SCYL2: variants seen among roughly 807,000 people sequenced by gnomAD.
SCYL2 encodes the protein SCY1-like protein 2.
In SCYL2, 36 loss-of-function variants were observed where a neutral mutation model predicts 100.4. The ratio of observed to expected loss-of-function variants is 0.36; its 90% CI spans 0.27 to 0.47. The LOEUF (loss-of-function observed/expected upper bound fraction) is 0.47. Ranked by LOEUF, SCYL2 falls within the 20% of genes least tolerant of loss-of-function variation. The pLI is 1.00. For synonymous variants in SCYL2, 330 were observed against 359.2 expected (o/e 0.92, Z 0.92); for missense variants, 902 against 1,083.9 (o/e 0.83, Z 2.36).
chr12:100,314,606 C>T lies in SCYL2; in HGVS notation c.1087C>T (p.Leu363=), dbSNP rs754030231. Residue 363 remains leucine (L), a synonymous_variant, in exon 8 of 18, where the codon CTG becomes TTG. Coordinates refer to ENST00000360820, the MANE Select transcript of SCYL2 (RefSeq NM_017988.6). ...FKGLPKVLPK[L]PKRVIVQRIL... ...AGGACTGCCAAAGGTTCTACCAAAA[C>T]TGCCCAAGGTTTGTTATTGTTAGTT... The T allele has an allele frequency of 1.9e-6, 3 of 1,595,010 alleles. No homozygotes were observed. Among genetic ancestry groups the T allele is most frequent in the South Asian group, 2.3e-5 (2 of 86,508 alleles).
At chr12:100,309,858 A>G (rs1451886508) in intron 4 of SCYL2, among the ~76,000 whole-genome samples, 1 of 152,194 alleles carries the variant, frequency 6.6e-6, no homozygotes, top group Non-Finnish European at 1.5e-5. Context: ...ACTGTTTTAC[A>G]TAGCACCTAT....
At chr12:100,299,225 A>G (rs1347377662) in intron 4 of SCYL2, among the ~76,000 whole-genome samples, 2 of 152,098 alleles carry the variant, frequency 1.3e-5, no homozygotes, top group African/African-American at 4.8e-5. Flanking sequence ...ACAGAGTGAG[A>G]GCCTGTCTTA....
At chr12:100,288,859 C>T (rs1291248748) in intron 2 of SCYL2, among the ~76,000 whole-genome samples, 1 of 150,866 alleles carries the variant, frequency 6.6e-6, no homozygotes, top group Non-Finnish European at 1.5e-5. Flanking sequence ...AAAAAAAAGA[C>T]TTGAAAAATA....
At position 100,314,632 on chromosome 12, in the gene SCYL2, T is replaced by C; in HGVS notation, c.1095+18T>C. ...TGCCCAAGGTTTGTTATTGTTAGTT[T>C]CTTATTAATAATCAGGATTTTAGAA... On this transcript the variant is annotated intron_variant, in intron 8 of 17. Coordinates refer to ENST00000360820, the MANE Select transcript of SCYL2 (RefSeq NM_017988.6). 6.3e-7 allele frequency: 1 copy of C among 1,577,044 alleles called. No individual in the cohort carries two copies. Among genetic ancestry groups the C allele is most frequent in the Non-Finnish European group, 8.6e-7 (1 of 1,166,008 alleles).
chr12:100,277,227 G>T (rs2096293506), intron 1 of SCYL2, among the ~76,000 whole-genome samples: 1 of 152,184 alleles, frequency 6.6e-6, no homozygotes, highest in Non-Finnish European at 1.5e-5. Flanking sequence ...TTACATGTCT[G>T]CATGAAAACA....
chr12:100,307,248 G>T (rs557445834), intron 4 of SCYL2, among the ~76,000 whole-genome samples: 72 of 152,124 alleles, frequency 4.7e-4, no homozygotes, highest in African/African-American at 1.6e-3. Context: ...AAACTATACT[G>T]TAAGGCTACA....
chr12:100,321,486 C>G (rs1014840031), intron 10 of SCYL2, among the ~76,000 whole-genome samples: 2 of 152,180 alleles, frequency 1.3e-5, no homozygotes, highest in African/African-American at 4.8e-5. Context: ...CCCCAGTCAT[C>G]CCTCTGTTTT....
chr12:100,322,164 A>C (rs2096356616), intron 10 of SCYL2, among the ~76,000 whole-genome samples: 1 of 151,186 alleles, frequency 6.6e-6, no homozygotes, highest in Non-Finnish European at 1.5e-5. Flanking sequence ...CGAGGTCAGG[A>C]GATCGAGACC....
intron 4 of SCYL2, among the ~76,000 whole-genome samples, chr12:100,305,924 T>G (rs1294963882): frequency 6.6e-6 from 1 of 152,104 alleles, no homozygotes; most frequent in Non-Finnish European, 1.5e-5. Flanking sequence ...GATAAATTCC[T>G]GGACACATAC....
intron 4 of SCYL2, among the ~76,000 whole-genome samples, chr12:100,299,256 A>G (rs2096324637): frequency 6.6e-6 from 1 of 152,114 alleles, no homozygotes; most frequent in Non-Finnish European, 1.5e-5. Context: ...AACAACAACA[A>G]AAATAATATC....
At chr12:100,320,888 T>G (rs1239591485) in intron 10 of SCYL2, among the ~76,000 whole-genome samples, 1 of 152,176 alleles carries the variant, frequency 6.6e-6, no homozygotes, top group Non-Finnish European at 1.5e-5. Flanking sequence ...TCTTCTCCCA[T>G]CTGTGGTCCT....
intron 17 of SCYL2, among the ~76,000 whole-genome samples, 185 bp from the exon 18 acceptor site, chr12:100,338,343 C>T (rs1952306247): frequency 6.6e-6 from 1 of 152,106 alleles, no homozygotes; most frequent in African/African-American, 2.4e-5. Flanking sequence ...AAATATTCAT[C>T]TGTAAAAACT....
chr12:100,315,898 A>G (rs1423711850), intron 9 of SCYL2, among the ~76,000 whole-genome samples, 164 bp downstream of exon 9: 1 of 152,208 alleles, frequency 6.6e-6, no homozygotes, highest in East Asian at 1.9e-4. Flanking sequence ...GAACCAAACT[A>G]TTTTTAAAAT....
In SCYL2 at chr12:100,291,614, C is replaced by A. The variant is rs371072512; in HGVS notation, c.289C>A (p.Arg97=). The A allele has an allele frequency of 3.6e-5, 57 of 1,598,996 alleles. No individual in the cohort carries two copies. The highest frequency in any genetic ancestry group is 4.5e-5 in the Non-Finnish European group (53 of 1,175,218). The change falls in exon 3 of 18, where the codon CGA becomes AGA. Residue 97 remains arginine (R), a synonymous_variant. Coordinates refer to ENST00000360820, the MANE Select transcript of SCYL2 (RefSeq NM_017988.6). ...KRGVQQLTRL[R]HPRLLTVQHP... ...AGGAGTCCAACAGTTAACTCGGCTTCGACACCCTCGACTTCTTACTGTCCA... is the reference window on the plus strand; with the variant it reads ...AGGAGTCCAACAGTTAACTCGGCTTAGACACCCTCGACTTCTTACTGTCCA...
intron 5 of SCYL2, 57 bp downstream of exon 5, chr12:100,311,250 G>C: frequency 6.6e-7 from 1 of 1,525,490 alleles, no homozygotes; most frequent in Non-Finnish European, 8.8e-7. Context: ...GATTGCATCT[G>C]GAATGGACTA....
chr12:100,338,261 CTTTT>C (rs1344355530), intron 17 of SCYL2, among the ~76,000 whole-genome samples: 2 of 151,998 alleles, frequency 1.3e-5, no homozygotes, highest in Non-Finnish European at 2.9e-5. Context: ...GAATGCGATT[CTTTT>C]TTTGACAAGA....
At chr12:100,268,203 C>T (rs75906452) in intron 1 of SCYL2, among the ~76,000 whole-genome samples, 1 of 152,160 alleles carries the variant, frequency 6.6e-6, no homozygotes, top group Admixed American at 6.5e-5. Context: ...ACGTCAAACT[C>T]AGGAATTATT....
chr12:100,303,448 TTGTTGA>T (rs1349798853), intron 4 of SCYL2, among the ~76,000 whole-genome samples: 4 of 150,778 alleles, frequency 2.7e-5, no homozygotes, highest in Non-Finnish European at 3.0e-5. Flanking sequence ...GATGTCCTTT[TTGTTGA>T]TGTTGATGTT....
At chr12:100,330,150 A>AT in intron 13 of SCYL2, among the ~76,000 whole-genome samples, 1 of 152,210 alleles carries the variant, frequency 6.6e-6, no homozygotes, top group East Asian at 1.9e-4. Flanking sequence ...AAGAGTCTAT[A>AT]TATCACTGGG....
Sources: allele counts gnomAD v4.1 joint callset (sites outside exome capture counted in the v4.1 genomes callset), GRCh38; gene constraint gnomAD v4.1.1; transcripts MANE v1.5; gene names NCBI Gene and HGNC (gene_info 2026-07-23, HGNC 2026-07-21).